ZNF454: variants seen among roughly 807,000 people sequenced by gnomAD.
ZNF454 encodes zinc finger protein 454.
In ZNF454, 30 loss-of-function variants were observed where a neutral mutation model predicts 48.2. That is an observed-to-expected ratio of 0.62 (90% CI 0.47 to 0.84). ZNF454 has a LOEUF of 0.84. ZNF454 is among the 40% of genes least tolerant of loss of function. The probability of loss-of-function intolerance (pLI) is 0.00; values close to 1 mark genes in which losing one functional copy is unlikely to be tolerated. For missense variants in ZNF454, 510 were observed against 623.1 expected (o/e 0.82, Z 1.93); for synonymous variants, 204 against 211.4 (o/e 0.97, Z 0.30).
the ZNF454 span, among the ~76,000 whole-genome samples, chr5:178,974,631 G>A: frequency 6.6e-6 from 1 of 152,034 alleles, no homozygotes; most frequent in Non-Finnish European, 1.5e-5. Flanking sequence ...AATGGTTTCT[G>A]TACTTACCAT....
the ZNF454 span, among the ~76,000 whole-genome samples, chr5:178,983,907 C>T: frequency 6.6e-5 from 10 of 152,184 alleles, no homozygotes; most frequent in Admixed American, 2.6e-4. Context: ...GTTCACTGTA[C>T]GAGAGCGCCT....
rs146307948 is a variant in ZNF454, at chr5:178,965,791, A to G, written c.1387A>G (p.Thr463Ala). 205 of 1,614,082 alleles carry G rather than the reference A, an allele frequency of 1.3e-4. No homozygotes were observed. Among genetic ancestry groups the G allele is most frequent in the Admixed American group, 2.8e-4 (17 of 60,000 alleles). Residue 463 changes from threonine (T) to alanine (A), a missense_variant, in exon 5 of 5, where the codon ACT (threonine) becomes GCT (alanine). Transcript: ENST00000519564. The surrounding 1 kb of genome is among the most constrained non-coding windows in gnomAD (Gnocchi z 5.2). ...SALTQHKRIH[T>A]REKPYKCKIC... The stretch of plus-strand genomic sequence containing the variant: ...CCTTACCCAACATAAGAGAATTCAT[A>G]CTAGGGAAAAACCTTACAAATGTAA...
chr5:178,987,408 C>T, the ZNF454 span: 413 of 459,474 alleles, frequency 9.0e-4, no homozygotes, highest in African/African-American at 2.3e-3. Context: ...GAAAGCAACC[C>T]GAGCGTCCAC....
chr5:178,944,281 C>A lies in ZNF454; in HGVS notation c.33+1457C>A, dbSNP rs1055573730. ...CTGACTTGTCACTTAGGACCCTTCTCATGCACCACTTTTTCTGCAAAACCT... is the reference window on the plus strand; with the variant it reads ...CTGACTTGTCACTTAGGACCCTTCTAATGCACCACTTTTTCTGCAAAACCT... On this transcript the variant is annotated intron_variant, in intron 2 of 4. Coordinates refer to ENST00000519564, the MANE Select transcript of ZNF454 (RefSeq NM_001178089.3). This position sits in a 1 kb window ranked among gnomAD's most constrained non-coding sequence, Gnocchi z 4.1. 2.0e-5 allele frequency among the ~76,000 whole-genome samples: 3 copies of A among 152,204 alleles called. No homozygotes were observed. Among genetic ancestry groups the A allele is most frequent in the African/African-American group, 7.2e-5 (3 of 41,452 alleles).
the ZNF454 span, chr5:178,986,041 C>G: frequency 8.2e-7 from 1 of 1,223,446 alleles, no homozygotes; most frequent in African/African-American, 1.5e-5. Flanking sequence ...GGACTACAGG[C>G]GTGTGCCACT....
Position 178,966,236 on chromosome 5 carries a change from C to T in ZNF454, c.*263C>T, listed in dbSNP as rs1026336509. 6.8e-6 allele frequency: 2 copies of T among 295,910 alleles called. No homozygotes were observed. Among genetic ancestry groups the T allele is most frequent in the Admixed American group, 9.1e-5 (2 of 21,968 alleles). 18.3% of individuals were successfully genotyped at this position (295,910 alleles called of 1,614,324 possible). Reference sequence around the variant, plus strand: ...GATCACGAGGTCAGGAGATCGAGACCATCCTGGCTAACAGGGTGAAACCCC... The same window carrying T: ...GATCACGAGGTCAGGAGATCGAGACTATCCTGGCTAACAGGGTGAAACCCC... On this transcript the variant is annotated 3_prime_UTR_variant, in exon 5 of 5. Coordinates refer to ENST00000519564, the MANE Select transcript of ZNF454 (RefSeq NM_001178089.3).
downstream of ZNF454, among the ~76,000 whole-genome samples, chr5:178,967,230 C>A (rs530861935): frequency 1.3e-5 from 2 of 152,130 alleles, no homozygotes; most frequent in African/African-American, 2.4e-5. Context: ...GCAATGATCC[C>A]ACCCACTTAC....
chr5:178,961,635 G>C (rs557230931), intron 4 of ZNF454, among the ~76,000 whole-genome samples: 1 of 151,488 alleles, frequency 6.6e-6, no homozygotes, highest in South Asian at 2.1e-4. Flanking sequence ...GGGCAACACG[G>C]TGAAACCCTG....
the ZNF454 span, chr5:178,989,181 C>A: frequency 7.5e-4 from 1,197 of 1,591,600 alleles, 4 homozygotes; most frequent in Middle Eastern, 6.0e-3. Flanking sequence ...CCCCATGCAC[C>A]GAACCCGGCC....
intron 1 of ZNF454, 55 bp from the exon 2 acceptor site, chr5:178,942,630 C>G: frequency 1.5e-6 from 1 of 667,904 alleles, no homozygotes; most frequent in Non-Finnish European, 2.5e-6. Context: ...TGAATGCTCA[C>G]TGCCTCGCTC....
chr5:178,960,097 A>C (rs1759946941), intron 4 of ZNF454, among the ~76,000 whole-genome samples: 1 of 150,840 alleles, frequency 6.6e-6, no homozygotes, highest in South Asian at 2.1e-4. Flanking sequence ...CTACAGGAAC[A>C]CATCACCATG....
At chr5:178,968,897 G>A (rs1423321427), downstream of ZNF454, 3 of 456,506 alleles carry the variant, frequency 6.6e-6, no homozygotes, top group African/African-American at 6.0e-5. Flanking sequence ...CCAGGAACTA[G>A]CGTCAGCGGC....
the ZNF454 span, chr5:178,983,666 C>T: frequency 1.3e-4 from 47 of 359,040 alleles, no homozygotes; most frequent in Non-Finnish European, 1.8e-4. Context: ...AATCAGGGCA[C>T]GCCACAGGCA....
intron 4 of ZNF454, among the ~76,000 whole-genome samples, chr5:178,953,291 G>A (rs1466947612): frequency 2.0e-5 from 3 of 152,054 alleles, no homozygotes; most frequent in Non-Finnish European, 2.9e-5. Context: ...TTAAACACTA[G>A]TCATAACTGA....
At chr5:178,982,929 G>A in the ZNF454 span, 2 of 1,613,926 alleles carry the variant, frequency 1.2e-6, no homozygotes, top group Non-Finnish European at 1.7e-6. Context: ...TGACTGGGCA[G>A]TGCCAAAGAA....
Position 178,965,223 on chromosome 5 carries a change from A to G in ZNF454, c.819A>G (p.Glu273=), listed in dbSNP as rs1435151522. The G allele has an allele frequency of 6.2e-7, 1 of 1,614,224 alleles. No homozygotes were observed. The highest frequency in any genetic ancestry group is 1.1e-5 in the South Asian group (1 of 91,088). The change falls in exon 5 of 5, where the codon GAA becomes GAG. Residue 273 remains glutamate, a synonymous_variant. Coordinates refer to ENST00000519564, the MANE Select transcript of ZNF454 (RefSeq NM_001178089.3). This position sits in a 1 kb window ranked among gnomAD's most constrained non-coding sequence, Gnocchi z 5.2. ...TTCATACTGGAGAGAAGCCTTTTGA[A>G]TGCAACTTATGTGGAAAAGCTTTTA... ...QKIHTGEKPF[E]CNLCGKAFIR... is the part of the protein sequence containing the mutation.
chr5:178,982,233 G>A, the ZNF454 span, among the ~76,000 whole-genome samples: 2 of 152,210 alleles, frequency 1.3e-5, no homozygotes, highest in South Asian at 2.1e-4. Flanking sequence ...TGCCGCATAC[G>A]TGAATAAATG....
the ZNF454 span, among the ~76,000 whole-genome samples, chr5:178,984,366 A>G: frequency 0.026 from 4,017 of 152,298 alleles, 79 homozygotes; most frequent in South Asian, 0.073. Flanking sequence ...AGCCCAGGAG[A>G]GGAAAGCCCC....
In ZNF454 at chr5:178,942,816, A is replaced by G. The variant is rs1055584563; in HGVS notation, c.25A>G (p.Met9Val). The G allele has an allele frequency of 2.4e-5, 38 of 1,613,622 alleles. No homozygotes were observed. Among genetic ancestry groups the G allele is most frequent in the Non-Finnish European group, 3.2e-5 (38 of 1,179,860 alleles). Reference sequence around the variant, plus strand: ...AATGGCTGTCAGCCACCTGCCAACCATGGTCCAGGTGAGTGGGGGTTTCTT... The same window carrying G: ...AATGGCTGTCAGCCACCTGCCAACCGTGGTCCAGGTGAGTGGGGGTTTCTT... MAVSHLPT[M>V]VQESVTFKDV... Residue 9 changes from methionine (M) to valine (V), a missense_variant, in exon 2 of 5, where the codon ATG (methionine) becomes GTG (valine). Met to Val is a conservative substitution (Grantham distance 21, BLOSUM62 1). Transcript: ENST00000519564.
Sources: allele counts gnomAD v4.1 joint callset (sites outside exome capture counted in the v4.1 genomes callset), GRCh38; gene constraint gnomAD v4.1.1; non-coding constraint Gnocchi (gnomAD v3.1); transcripts MANE v1.5; gene names NCBI Gene and HGNC (gene_info 2026-07-23, HGNC 2026-07-21).